Variants in DSCAML1 observed in about 807,000 individuals in gnomAD.
DSCAML1 encodes the protein DS cell adhesion molecule like 1.
A neutral mutation model predicts 200.5 loss-of-function variants in DSCAML1; 38 were observed. The ratio of observed to expected loss-of-function variants is 0.19; its 90% CI spans 0.15 to 0.25. The LOEUF (loss-of-function observed/expected upper bound fraction) is 0.25. Among genes scored for constraint, DSCAML1 ranks in the 10% least tolerant of loss-of-function variants. The pLI is 1.00. For missense variants in DSCAML1, 2,223 were observed against 2,858.8 expected (o/e 0.78, Z 5.07); for synonymous variants, 1,215 against 1,165.0 (o/e 1.04, Z -0.87).
intron 3 of DSCAML1, among the ~76,000 whole-genome samples, chr11:117,602,073 G>A (rs377501676): frequency 3.3e-5 from 5 of 152,270 alleles, no homozygotes; most frequent in South Asian, 4.1e-4. Flanking sequence ...CATGTCTCCC[G>A]ACTCTATCTC....
intron 14 of DSCAML1, among the ~76,000 whole-genome samples, chr11:117,476,819 G>A (rs2048803046): frequency 6.6e-6 from 1 of 152,170 alleles, no homozygotes; most frequent in Admixed American, 6.5e-5. Flanking sequence ...AGCATGATGA[G>A]CAACATGGCA....
In DSCAML1 at chr11:117,473,362, T is replaced by C. The variant is rs558928249; in HGVS notation, c.2786-1326A>G. ...AAATACAAAAATTAGCCGGGCGTGG[T>C]GGTGGGTGCCTGTAGTCCCAGCTAC... On this transcript the variant is annotated intron_variant, in intron 14 of 32. Transcript: ENST00000651296. Among the ~76,000 whole-genome samples, 99 of 152,052 alleles carry C rather than the reference T, an allele frequency of 6.5e-4. 1 individual carries two copies. The highest frequency in any genetic ancestry group is 2.3e-3 in the African/African-American group (95 of 41,476).
chr11:117,700,812 G>A (rs1244074129), intron 3 of DSCAML1, among the ~76,000 whole-genome samples: 1 of 152,234 alleles, frequency 6.6e-6, no homozygotes, highest in Non-Finnish European at 1.5e-5. Context: ...GCCAGAAGCA[G>A]AGCAGGACCT....
At chr11:117,778,431 C>T (rs2055171865) in intron 2 of DSCAML1, among the ~76,000 whole-genome samples, 1 of 152,338 alleles carries the variant, frequency 6.6e-6, no homozygotes, top group African/African-American at 2.4e-5. Context: ...CGGCATCTAA[C>T]AAGCGGGCCC....
At chr11:117,464,789 A>C (rs1288460711) in intron 17 of DSCAML1, among the ~76,000 whole-genome samples, 153 bp downstream of exon 17, 1 of 152,224 alleles carries the variant, frequency 6.6e-6, no homozygotes, top group African/African-American at 2.4e-5. Flanking sequence ...CTAATGGACA[A>C]GAGGAGATGG....
rs368533306 is a variant in DSCAML1 at position 117,619,176 on chromosome 11, C to T, written c.512-86654G>A. ...TAAGGGCTGCCAAGTCGGCCCAGTG[C>T]TCAGTGACTCTACTCCAGCCCCTGG... On this transcript the variant is annotated intron_variant, in intron 3 of 32. Coordinates refer to ENST00000651296, the MANE Select transcript of DSCAML1 (RefSeq NM_020693.4). 1.3e-4 allele frequency among the ~76,000 whole-genome samples: 20 copies of T among 152,356 alleles called. No individual in the cohort carries two copies. The South Asian group carries it at 3.3e-3, about 25-fold the overall frequency.
intron 7 of DSCAML1, among the ~76,000 whole-genome samples, chr11:117,517,931 G>A (rs2049807123): frequency 6.6e-6 from 1 of 152,218 alleles, no homozygotes; most frequent in African/African-American, 2.4e-5. Flanking sequence ...TCTTGATGGT[G>A]TGAGCCTTGC....
intron 3 of DSCAML1, among the ~76,000 whole-genome samples, chr11:117,641,537 G>A (rs1427009142): frequency 2.0e-5 from 3 of 152,194 alleles, no homozygotes; most frequent in East Asian, 1.9e-4. Flanking sequence ...CTGGCCAGTG[G>A]GTACTGACTG....
chr11:117,495,577 G>A (rs1258465741), intron 11 of DSCAML1, among the ~76,000 whole-genome samples: 1 of 152,168 alleles, frequency 6.6e-6, no homozygotes, highest in Non-Finnish European at 1.5e-5. Flanking sequence ...GGGGCAGGGG[G>A]TGGGAGCCTT....
intron 3 of DSCAML1, among the ~76,000 whole-genome samples, chr11:117,720,743 T>C (rs543047787): frequency 1.3e-5 from 2 of 152,354 alleles, no homozygotes; most frequent in South Asian, 2.1e-4. Context: ...ACAGCAATAG[T>C]GGTGCTTGGC....
At chr11:117,542,792 A>G (rs1431209695) in intron 3 of DSCAML1, among the ~76,000 whole-genome samples, 1 of 152,240 alleles carries the variant, frequency 6.6e-6, no homozygotes, top group African/African-American at 2.4e-5. Context: ...AGATGAGGAA[A>G]TTATGGCTTG....
chr11:117,542,353 C>CAACAACA (rs780331627), intron 3 of DSCAML1, among the ~76,000 whole-genome samples: 1 of 150,680 alleles, frequency 6.6e-6, no homozygotes, highest in Non-Finnish European at 1.5e-5. Context: ...ACAACAACAA[C>CAACAACA]AAAAAAAAAA....
intron 3 of DSCAML1, among the ~76,000 whole-genome samples, chr11:117,750,387 G>A (rs1396392636): frequency 6.6e-6 from 1 of 152,234 alleles, no homozygotes; most frequent in Admixed American, 6.5e-5. Flanking sequence ...GGGACAATCA[G>A]TTGTGAAGGT....
intron 3 of DSCAML1, among the ~76,000 whole-genome samples, chr11:117,627,682 TTGTATATA>T (rs1591337691): frequency 1.3e-5 from 2 of 152,072 alleles, no homozygotes; most frequent in East Asian, 3.9e-4. Flanking sequence ...GCCAGGCACT[TTGTATATA>T]TGATCTCACA....
intron 1 of DSCAML1, among the ~76,000 whole-genome samples, chr11:117,805,654 A>T (rs916174732): frequency 2.4e-4 from 36 of 151,260 alleles, no homozygotes; most frequent in African/African-American, 8.3e-4. Context: ...CTGGTTAAAA[A>T]CTCTGTTCTT....
intron 26 of DSCAML1, 152 bp from the exon 27 acceptor site, chr11:117,435,951 TC>T: frequency 1.3e-6 from 1 of 760,370 alleles, no homozygotes. Context: ...TCCCCTCTGC[TC>T]CCCAAATTCT....
At chr11:117,632,141 A>T (rs1207113488) in intron 3 of DSCAML1, among the ~76,000 whole-genome samples, 1 of 152,196 alleles carries the variant, frequency 6.6e-6, no homozygotes, top group Non-Finnish European at 1.5e-5. Flanking sequence ...CACTGGCCCC[A>T]GGTCATCACG....
At chr11:117,493,759 C>G (rs2049236235) in intron 11 of DSCAML1, among the ~76,000 whole-genome samples, 1 of 152,184 alleles carries the variant, frequency 6.6e-6, no homozygotes. Flanking sequence ...TCCTCAGTAG[C>G]TGGGACTATA....
At chr11:117,713,264 C>T (rs186312040) in intron 3 of DSCAML1, among the ~76,000 whole-genome samples, 26 of 152,274 alleles carry the variant, frequency 1.7e-4, no homozygotes, top group African/African-American at 3.1e-4. Flanking sequence ...TACAGGCGCA[C>T]GCCACCACAC....
Sources: gnomAD v4.1 joint callset for allele counts (sites outside exome capture counted in the v4.1 genomes callset) on GRCh38, gnomAD v4.1.1 for gene constraint, MANE v1.5 for transcripts, NCBI Gene and HGNC (gene_info 2026-07-23, HGNC 2026-07-21) for gene names.